Variants in ACSL4 observed in about 807,000 individuals in gnomAD.
ACSL4 encodes the protein acyl-CoA synthetase long chain family member 4, also known as long-chain-fatty-acid--CoA ligase 4.
A neutral mutation model predicts 49.1 loss-of-function variants in ACSL4; 9 were observed. The ratio of observed to expected loss-of-function variants is 0.18; its 90% CI spans 0.11 to 0.32. The LOEUF (loss-of-function observed/expected upper bound fraction) is 0.32, where lower values mean the gene tolerates loss of function less well. ACSL4 is among the 10% of genes least tolerant of loss of function. The pLI, the probability that ACSL4 is intolerant of heterozygous loss-of-function variation, is 1.00. For synonymous variants in ACSL4, 191 were observed against 170.3 expected (o/e 1.12, Z -0.95); for missense variants, 333 against 493.7 (o/e 0.67, Z 3.08).
intron 15 of ACSL4, among the ~76,000 whole-genome samples, 164 bp from the exon 16 acceptor site, chrX:109,644,350 T>A (rs1430443624): frequency 9.0e-6 from 1 of 110,538 alleles, no homozygotes; most frequent in Non-Finnish European, 1.9e-5. Flanking sequence ...ACCACAAACT[T>A]ATTTAATGGT....
At chrX:109,647,038 C>T (rs1257610767) in intron 15 of ACSL4, among the ~76,000 whole-genome samples, 4 of 111,211 alleles carry the variant, frequency 3.6e-5, no homozygotes, top group Non-Finnish European at 7.5e-5. Context: ...CGTGAGTGAC[C>T]TAAAAAGAGA....
intron 2 of ACSL4, among the ~76,000 whole-genome samples, chrX:109,690,166 TG>T (rs1438372583): frequency 8.9e-6 from 1 of 112,424 alleles, no homozygotes. Flanking sequence ...TGGAAAAGAT[TG>T]GTGTTATAAA....
intron 1 of ACSL4, among the ~76,000 whole-genome samples, chrX:109,727,266 A>C (rs186836992): frequency 9.0e-6 from 1 of 111,667 alleles, no homozygotes; most frequent in Non-Finnish European, 1.9e-5. Flanking sequence ...TACAAACAAA[A>C]TAATAAACCA....
intron 15 of ACSL4, among the ~76,000 whole-genome samples, chrX:109,650,740 T>C (rs1013566097): frequency 1.8e-5 from 2 of 112,206 alleles, no homozygotes; most frequent in African/African-American, 3.2e-5. Flanking sequence ...CTTAACACTA[T>C]GCTTTGTTCA....
At chrX:109,706,681 AC>A (rs1488166642) in intron 1 of ACSL4, among the ~76,000 whole-genome samples, 1 of 112,351 alleles carries the variant, frequency 8.9e-6, no homozygotes, top group Non-Finnish European at 1.9e-5. Flanking sequence ...ATCTTACGAT[AC>A]TGATTTTTAA....
rs1251522234 is a variant in ACSL4, at chrX:109,641,910, C to A, written c.*2119G>T. The A allele has an allele frequency of 8.9e-6, 1 of 112,206 alleles. No individual in the cohort carries two copies. The highest frequency in any genetic ancestry group is 3.2e-5 in the African/African-American group (1 of 30,850). 9.2% of individuals were successfully genotyped at this position (112,206 alleles called of 1,213,427 possible). On this transcript the variant is annotated 3_prime_UTR_variant, in exon 16 of 16. Transcript: ENST00000672401. The stretch of plus-strand genomic sequence containing the variant: ...AGGTATAAAAATGTGAGATCAAAAT[C>A]TTTAGGCTTAAATACTTGAAAAGTC...
intron 2 of ACSL4, among the ~76,000 whole-genome samples, chrX:109,691,194 A>C (rs1014127907): frequency 2.4e-4 from 27 of 112,336 alleles, no homozygotes; most frequent in Non-Finnish European, 1.5e-4. Flanking sequence ...GATCTTACAA[A>C]AATAGTTTTT....
chrX:109,711,129 AC>A (rs1183179892), intron 1 of ACSL4, among the ~76,000 whole-genome samples: 56 of 113,133 alleles, frequency 4.9e-4, no homozygotes, highest in African/African-American at 1.6e-3. Flanking sequence ...TAAACATGTA[AC>A]CAGTTATAAT....
At chrX:109,686,775 T>G (rs375430344) in intron 2 of ACSL4, among the ~76,000 whole-genome samples, 1 of 102,559 alleles carries the variant, frequency 9.8e-6, no homozygotes, top group Non-Finnish European at 2.0e-5. Flanking sequence ...CACACACGCA[T>G]GCACACACAC....
At chrX:109,650,885 T>C (rs1921060707) in intron 15 of ACSL4, among the ~76,000 whole-genome samples, 1 of 111,914 alleles carries the variant, frequency 8.9e-6, no homozygotes, top group Non-Finnish European at 1.9e-5. Flanking sequence ...TACATACAAG[T>C]TTATTAATTC....
chrX:109,645,781 T>G (rs1160751676), intron 15 of ACSL4, among the ~76,000 whole-genome samples: 8 of 111,260 alleles, frequency 7.2e-5, no homozygotes, highest in Non-Finnish European at 1.9e-5. Context: ...TGAAAAAAAT[T>G]TAGAAGAATG....
At chrX:109,724,491 G>A (rs1307333685) in intron 1 of ACSL4, among the ~76,000 whole-genome samples, 1 of 111,369 alleles carries the variant, frequency 9.0e-6, no homozygotes, top group Non-Finnish European at 1.9e-5. Flanking sequence ...CACCCAGGGT[G>A]GAATGCAATG....
At chrX:109,677,379 T>C (rs1923800318) in intron 8 of ACSL4, among the ~76,000 whole-genome samples, 1 of 111,574 alleles carries the variant, frequency 9.0e-6, no homozygotes, top group Non-Finnish European at 1.9e-5. Context: ...AACCCACCAA[T>C]GCTCATGGGT....
At chrX:109,670,263 C>A (rs1344557950) in intron 9 of ACSL4, among the ~76,000 whole-genome samples, 2 of 111,201 alleles carry the variant, frequency 1.8e-5, no homozygotes, top group Non-Finnish European at 3.8e-5. Flanking sequence ...GAGCCACTCA[C>A]AAATGAAGAC....
At chrX:109,660,659 A>C (rs1289292672) in intron 14 of ACSL4, among the ~76,000 whole-genome samples, 1 of 111,804 alleles carries the variant, frequency 8.9e-6, no homozygotes, top group Non-Finnish European at 1.9e-5. Context: ...TATTCACAAC[A>C]ACCAAGAGGG....
intron 1 of ACSL4, among the ~76,000 whole-genome samples, chrX:109,716,466 T>C (rs1346676209): frequency 8.9e-6 from 1 of 111,772 alleles, no homozygotes; most frequent in Non-Finnish European, 1.9e-5. Flanking sequence ...TCTGAAAGAA[T>C]AGAGGAAGAA....
At chrX:109,725,062 T>G (rs1927869175) in intron 1 of ACSL4, among the ~76,000 whole-genome samples, 3 of 107,239 alleles carry the variant, frequency 2.8e-5, no homozygotes, top group South Asian at 8.5e-4. Flanking sequence ...TGACCTGGGG[T>G]TTTTTTTGTT....
At chrX:109,667,226 C>T (rs1922731788) in intron 11 of ACSL4, among the ~76,000 whole-genome samples, 1 of 112,265 alleles carries the variant, frequency 8.9e-6, no homozygotes, top group African/African-American at 3.2e-5. Context: ...TGTTTCTCAA[C>T]CTAAAGTGAT....
chrX:109,678,452 GTTCAAAAGTTAAATTACTAAAGAA>G (rs1210057363), intron 6 of ACSL4, 37 bp from the exon 7 acceptor site: 2 of 1,188,234 alleles, frequency 1.7e-6, no homozygotes, highest in Admixed American at 4.4e-5. Context: ...ATTTACTTCA[GTTCAAAAGTTAAATTACTAAAGAA>G]TAATAGGATA....
Sources: allele counts gnomAD v4.1 joint callset (sites outside exome capture counted in the v4.1 genomes callset), GRCh38; gene constraint gnomAD v4.1.1; transcripts MANE v1.5; gene names NCBI Gene and HGNC (gene_info 2026-07-23, HGNC 2026-07-21).